ARMC8: variants seen among roughly 807,000 people sequenced by gnomAD.
ARMC8 encodes the protein armadillo repeat-containing protein 8.
ARMC8 carries 20 observed loss-of-function variants against 99.3 expected under a neutral mutation model. The ratio of observed to expected loss-of-function variants is 0.20; its 90% confidence interval spans 0.14 to 0.29. The LOEUF (loss-of-function observed/expected upper bound fraction) is 0.29. ARMC8 is among the 10% of genes least tolerant of loss of function. The pLI is 1.00. For missense variants in ARMC8, 569 were observed against 809.5 expected (o/e 0.70, Z 3.60); for synonymous variants, 263 against 278.3 (o/e 0.95, Z 0.55).
chr3:138,252,452 C>CTTTTTTT, intron 12 of ARMC8, among the ~76,000 whole-genome samples: 1 of 129,210 alleles, frequency 7.7e-6, no homozygotes, highest in Non-Finnish European at 1.6e-5. Context: ...ACCATAAACT[C>CTTTTTTT]TTTTTTTTTT....
chr3:138,244,574 G>A (rs945864356), intron 11 of ARMC8, among the ~76,000 whole-genome samples: 4 of 152,130 alleles, frequency 2.6e-5, no homozygotes, highest in Non-Finnish European at 5.9e-5. Flanking sequence ...CACCGCGCCC[G>A]GCCTCTAAAA....
chr3:138,201,788 A>G (rs1337879298), intron 1 of ARMC8, among the ~76,000 whole-genome samples: 3 of 152,076 alleles, frequency 2.0e-5, no homozygotes, highest in African/African-American at 4.8e-5. Context: ...CTGGCAGATT[A>G]ATATTAATCT....
chr3:138,189,541 T>C (rs970338996), intron 1 of ARMC8, among the ~76,000 whole-genome samples: 1 of 152,212 alleles, frequency 6.6e-6, no homozygotes, highest in South Asian at 2.1e-4. Context: ...TAAGCTACAA[T>C]GTACCAGTTA....
At chr3:138,222,527 G>A (rs1184291236) in intron 3 of ARMC8, among the ~76,000 whole-genome samples, 2 of 152,190 alleles carry the variant, frequency 1.3e-5, no homozygotes, top group Non-Finnish European at 2.9e-5. Context: ...GGCAATGACA[G>A]TTACATAACT....
At chr3:138,188,428 C>G in intron 1 of ARMC8, 1 of 1,549,514 alleles carries the variant, frequency 6.5e-7, no homozygotes. Flanking sequence ...ACGACTTTCA[C>G]CTTTCACTAT....
At chr3:138,203,705 GA>G (rs1178175422) in intron 1 of ARMC8, among the ~76,000 whole-genome samples, 2 of 152,218 alleles carry the variant, frequency 1.3e-5, no homozygotes, top group African/African-American at 4.8e-5. Flanking sequence ...TGAATATCAG[GA>G]GGTGGGGATC....
chr3:138,235,778 C>G (rs2046298615), intron 7 of ARMC8, among the ~76,000 whole-genome samples: 1 of 146,272 alleles, frequency 6.8e-6, no homozygotes, highest in Admixed American at 6.8e-5. Flanking sequence ...CTTGCAGTGA[C>G]TCCATTCTGT....
At chr3:138,218,348 A>AT (rs2045199296) in intron 2 of ARMC8, among the ~76,000 whole-genome samples, 1 of 152,044 alleles carries the variant, frequency 6.6e-6, no homozygotes, top group South Asian at 2.1e-4. Flanking sequence ...CAAAAATATG[A>AT]TTGCTCCTTA....
intron 1 of ARMC8, among the ~76,000 whole-genome samples, chr3:138,201,810 C>T (rs1283600559): frequency 6.6e-6 from 1 of 152,178 alleles, no homozygotes; most frequent in African/African-American, 2.4e-5. Context: ...TCAGATTACT[C>T]ATCCTTACTT....
intron 12 of ARMC8, among the ~76,000 whole-genome samples, chr3:138,251,710 A>C (rs2047130190): frequency 6.6e-6 from 1 of 152,238 alleles, no homozygotes; most frequent in African/African-American, 2.4e-5. Flanking sequence ...CAAACCTGGG[A>C]GTGATAATGC....
intron 1 of ARMC8, among the ~76,000 whole-genome samples, chr3:138,208,270 A>G (rs571150418): frequency 6.6e-6 from 1 of 152,302 alleles, no homozygotes; most frequent in South Asian, 2.1e-4. Flanking sequence ...GTTCAAGACC[A>G]GCCTGGCCAA....
At chr3:138,280,385 T>G (rs1322776541) in intron 18 of ARMC8, among the ~76,000 whole-genome samples, 1 of 151,924 alleles carries the variant, frequency 6.6e-6, no homozygotes, top group Non-Finnish European at 1.5e-5. Flanking sequence ...TGGTGTGATC[T>G]TGGCTCACTG....
At chr3:138,198,268 T>G (rs1390755566) in intron 1 of ARMC8, among the ~76,000 whole-genome samples, 1 of 152,048 alleles carries the variant, frequency 6.6e-6, no homozygotes, top group Non-Finnish European at 1.5e-5. Flanking sequence ...GGCTTTTCTT[T>G]TATGAAAAAA....
At chr3:138,212,686 T>G (rs926546580) in intron 2 of ARMC8, among the ~76,000 whole-genome samples, 1 of 152,150 alleles carries the variant, frequency 6.6e-6, no homozygotes, top group Non-Finnish European at 1.5e-5. Flanking sequence ...GACCAATTTT[T>G]TGATTTTTAT....
chr3:138,223,878 C>T, intron 5 of ARMC8, 145 bp downstream of exon 5: 1 of 665,154 alleles, frequency 1.5e-6, no homozygotes, highest in Non-Finnish European at 2.6e-6. Context: ...AATCCCAGTG[C>T]TTTGGGAGGC....
At chr3:138,205,103 C>G (rs1022613632) in intron 1 of ARMC8, among the ~76,000 whole-genome samples, 2 of 115,608 alleles carry the variant, frequency 1.7e-5, no homozygotes, top group Non-Finnish European at 3.3e-5. Context: ...AAGTCTCACT[C>G]TGTCACCCAG....
chr3:138,260,257 C>T (rs919395711), intron 12 of ARMC8, among the ~76,000 whole-genome samples: 1 of 152,190 alleles, frequency 6.6e-6, no homozygotes, highest in Non-Finnish European at 1.5e-5. Context: ...TCCCAAGTTC[C>T]TTCTAAACAA....
chr3:138,290,519 C>T (rs375418466), intron 20 of ARMC8, 27 bp from the exon 21 acceptor site: 6 of 1,537,446 alleles, frequency 3.9e-6, no homozygotes, highest in South Asian at 2.4e-5. Context: ...GGGTCATGTT[C>T]CCAGTAACCT....
intron 18 of ARMC8, among the ~76,000 whole-genome samples, chr3:138,279,642 G>C (rs879292873): frequency 6.6e-6 from 1 of 152,148 alleles, no homozygotes; most frequent in Admixed American, 6.5e-5. Context: ...TTGATGGAAT[G>C]CTACCAGTTG....
Sources: allele counts gnomAD v4.1 joint callset (sites outside exome capture counted in the v4.1 genomes callset), GRCh38; gene constraint gnomAD v4.1.1; transcripts MANE v1.5; gene names NCBI Gene and HGNC (gene_info 2026-07-23, HGNC 2026-07-21).